The following PTPRM variants were observed in gnomAD, a reference collection of about 807,000 sequenced individuals.
PTPRM encodes the protein receptor-type tyrosine-protein phosphatase mu.
A neutral mutation model predicts 186.7 loss-of-function variants in PTPRM; 47 were observed. That is an observed-to-expected ratio of 0.25 (90% CI 0.20 to 0.32). PTPRM has a LOEUF of 0.32. Ranked by LOEUF, PTPRM falls within the 10% of genes least tolerant of loss-of-function variation. PTPRM has a pLI of 1.00. For missense variants in PTPRM, 1,494 were observed against 1,865.0 expected (o/e 0.80, Z 3.66); for synonymous variants, 668 against 674.9 (o/e 0.99, Z 0.16).
intron 13 of PTPRM, among the ~76,000 whole-genome samples, chr18:8,134,408 C>T (rs375678039): frequency 7.2e-5 from 11 of 152,112 alleles, no homozygotes; most frequent in Admixed American, 1.3e-4. Flanking sequence ...TGGGAAGCTC[C>T]GATGGCAGGT....
chr18:8,130,524 G>A (rs906075182), intron 13 of PTPRM, among the ~76,000 whole-genome samples: 6 of 152,148 alleles, frequency 3.9e-5, no homozygotes, highest in African/African-American at 2.4e-5. Flanking sequence ...AAGAAAGATC[G>A]ACAGTCTTAA....
intron 1 of PTPRM, among the ~76,000 whole-genome samples, chr18:7,714,243 T>C (rs914391059): frequency 6.6e-6 from 1 of 152,154 alleles, no homozygotes; most frequent in African/African-American, 2.4e-5. Flanking sequence ...ACATGGAAAC[T>C]GAACAATCTC....
chr18:7,687,404 A>G (rs2039627548), intron 1 of PTPRM, among the ~76,000 whole-genome samples: 1 of 152,150 alleles, frequency 6.6e-6, no homozygotes, highest in Non-Finnish European at 1.5e-5. Context: ...TTTTAATGTA[A>G]TGACTTTACC....
chr18:7,822,622 T>G (rs1189157125), intron 2 of PTPRM, among the ~76,000 whole-genome samples: 2 of 152,230 alleles, frequency 1.3e-5, no homozygotes, highest in African/African-American at 4.8e-5. Context: ...TGCATTGTCA[T>G]TTTTTAAGGC....
chr18:7,957,757 A>T (rs2053409785), intron 7 of PTPRM, among the ~76,000 whole-genome samples: 2 of 152,344 alleles, frequency 1.3e-5, no homozygotes, highest in Admixed American at 1.3e-4. Flanking sequence ...TAATATCAGT[A>T]ATCACTGATT....
chr18:7,595,628 T>C (rs902300725), intron 1 of PTPRM, among the ~76,000 whole-genome samples: 1 of 152,230 alleles, frequency 6.6e-6, no homozygotes, highest in African/African-American at 2.4e-5. Flanking sequence ...AAGTCTCAGG[T>C]GGCTACATTA....
intron 14 of PTPRM, among the ~76,000 whole-genome samples, chr18:8,158,614 G>A (rs577421573): frequency 2.6e-5 from 4 of 152,126 alleles, no homozygotes; most frequent in African/African-American, 9.7e-5. Flanking sequence ...GTCCATTTTT[G>A]TGTTACTATA....
intron 1 of PTPRM, among the ~76,000 whole-genome samples, chr18:7,678,242 C>T (rs945212143): frequency 6.6e-5 from 10 of 152,174 alleles, no homozygotes; most frequent in African/African-American, 1.2e-4. Context: ...CCTGGCTTCA[C>T]GCTCAGGGGT....
intron 1 of PTPRM, among the ~76,000 whole-genome samples, chr18:7,644,677 A>C (rs2144212744): frequency 6.6e-6 from 1 of 152,266 alleles, no homozygotes; most frequent in East Asian, 1.9e-4. Flanking sequence ...CACTAGGGTA[A>C]GCAAGCCAGC....
At chr18:7,718,824 C>T (rs1018474777) in intron 1 of PTPRM, among the ~76,000 whole-genome samples, 2 of 152,056 alleles carry the variant, frequency 1.3e-5, no homozygotes, top group African/African-American at 2.4e-5. Context: ...AACCTCACTA[C>T]TTATCAGAGA....
intron 4 of PTPRM, among the ~76,000 whole-genome samples, chr18:7,920,660 G>A (rs1599512065): frequency 1.3e-5 from 2 of 152,176 alleles, no homozygotes; most frequent in East Asian, 3.9e-4. Flanking sequence ...GAATATTCTG[G>A]ATTTGTCTGT....
chr18:7,660,220 C>T (rs936348227), intron 1 of PTPRM, among the ~76,000 whole-genome samples: 9 of 152,032 alleles, frequency 5.9e-5, no homozygotes, highest in African/African-American at 1.9e-4. Flanking sequence ...CCTGTAGTCC[C>T]AGCTACTTGG....
chr18:7,926,319 T>C (rs1486075355), intron 4 of PTPRM, among the ~76,000 whole-genome samples: 1 of 152,202 alleles, frequency 6.6e-6, no homozygotes, highest in Non-Finnish European at 1.5e-5. Flanking sequence ...AACAATAAAA[T>C]ATCTCCTTTC....
chr18:7,751,735 C>T (rs142193505), intron 1 of PTPRM, among the ~76,000 whole-genome samples: 1 of 152,328 alleles, frequency 6.6e-6, no homozygotes, highest in East Asian at 1.9e-4. Context: ...GTGACCTGCA[C>T]ACTACCAGGC....
chr18:8,154,372 A>G (rs1158275064), intron 14 of PTPRM, among the ~76,000 whole-genome samples: 1 of 152,176 alleles, frequency 6.6e-6, no homozygotes, highest in Admixed American at 6.5e-5. Context: ...TCCACCTCAA[A>G]TATGTGCTGT....
chr18:8,372,450 C>T (rs1332960824), intron 24 of PTPRM, among the ~76,000 whole-genome samples: 1 of 152,170 alleles, frequency 6.6e-6, no homozygotes, highest in Non-Finnish European at 1.5e-5. Flanking sequence ...AAGGAAATTG[C>T]AACATCTGCT....
intron 7 of PTPRM, among the ~76,000 whole-genome samples, chr18:8,002,789 A>G (rs2083944986): frequency 6.6e-6 from 1 of 152,206 alleles, no homozygotes; most frequent in Non-Finnish European, 1.5e-5. Context: ...GAGGTGGAGT[A>G]AAGTGGATTT....
At chr18:8,048,414 G>A (rs1468504162) in intron 7 of PTPRM, among the ~76,000 whole-genome samples, 2 of 150,822 alleles carry the variant, frequency 1.3e-5, no homozygotes, top group East Asian at 3.9e-4. Flanking sequence ...CTCCTGCCCT[G>A]CCATTCCAGT....
intron 1 of PTPRM, among the ~76,000 whole-genome samples, chr18:7,571,159 C>T (rs1598432477): frequency 6.6e-6 from 1 of 152,056 alleles, no homozygotes; most frequent in Admixed American, 6.5e-5. Context: ...CCAGGATGGT[C>T]TCAATCTCTT....
Sources: gnomAD v4.1 joint callset for allele counts (sites outside exome capture counted in the v4.1 genomes callset) on GRCh38, gnomAD v4.1.1 for gene constraint, MANE v1.5 for transcripts, NCBI Gene and HGNC (gene_info 2026-07-23, HGNC 2026-07-21) for gene names.